Variants in PRKG1 observed in about 807,000 individuals in gnomAD.
PRKG1 encodes the protein protein kinase cGMP-dependent 1, also known as cGMP-dependent protein kinase 1.
A neutral mutation model predicts 88.1 loss-of-function variants in PRKG1; 35 were observed. The ratio of observed to expected loss-of-function variants is 0.40; its 90% CI spans 0.30 to 0.53. PRKG1 has a LOEUF of 0.53. PRKG1 is among the 20% of genes least tolerant of loss of function. The pLI is 0.59. For synonymous variants in PRKG1, 303 were observed against 292.5 expected, an observed-to-expected ratio of 1.04 and a Z score of -0.37; for missense variants, 540 against 839.8, an observed-to-expected ratio of 0.64 and a Z score of 4.41.
intron 3 of PRKG1, among the ~76,000 whole-genome samples, chr10:51,686,979 T>C (rs1004531182): frequency 2.6e-5 from 4 of 152,084 alleles, no homozygotes; most frequent in African/African-American, 9.7e-5. Flanking sequence ...CCAAGTAATT[T>C]GCCCACCTCA....
chr10:51,464,775 C>G (rs968298015), intron 2 of PRKG1, among the ~76,000 whole-genome samples: 1 of 149,630 alleles, frequency 6.7e-6, no homozygotes, highest in African/African-American at 2.4e-5. Flanking sequence ...CCTGTAGTCC[C>G]AGCTACTTGG....
intron 3 of PRKG1, among the ~76,000 whole-genome samples, chr10:51,655,350 G>A (rs1014522552): frequency 3.3e-5 from 5 of 152,058 alleles, no homozygotes; most frequent in Non-Finnish European, 7.4e-5. Flanking sequence ...TCAAGGAGTA[G>A]GAAATATATG....
chr10:51,883,195 A>G (rs1163957249), intron 4 of PRKG1, among the ~76,000 whole-genome samples: 1 of 152,182 alleles, frequency 6.6e-6, no homozygotes, highest in African/African-American at 2.4e-5. Context: ...TTGAACTACA[A>G]CTTATACCAT....
intron 2 of PRKG1, among the ~76,000 whole-genome samples, chr10:51,411,776 A>G (rs1332521154): frequency 6.6e-6 from 1 of 152,084 alleles, no homozygotes; most frequent in Non-Finnish European, 1.5e-5. Context: ...CCTCTTGAAT[A>G]TTTTATGACT....
chr10:51,268,848 C>G (rs777852986), intron 2 of PRKG1, among the ~76,000 whole-genome samples: 5 of 152,128 alleles, frequency 3.3e-5, no homozygotes, highest in Non-Finnish European at 5.9e-5. Context: ...AATTTATGTT[C>G]AGAGATTCAG....
At chr10:51,166,801 A>G (rs756856013) in intron 2 of PRKG1, among the ~76,000 whole-genome samples, 5 of 152,188 alleles carry the variant, frequency 3.3e-5, no homozygotes, top group Admixed American at 2.6e-4. Context: ...TTCCACCTGC[A>G]GAAAGGGTGG....
chr10:51,587,084 G>A (rs773501570), intron 3 of PRKG1, among the ~76,000 whole-genome samples: 1 of 152,010 alleles, frequency 6.6e-6, no homozygotes. Context: ...CTTATTAAAC[G>A]TTTTTCTAGG....
chr10:51,464,260 C>A (rs893518262), intron 2 of PRKG1, among the ~76,000 whole-genome samples: 4 of 151,900 alleles, frequency 2.6e-5, no homozygotes, highest in Admixed American at 6.6e-5. Context: ...TGCTCTCCAG[C>A]CTGGCTGAGC....
intron 1 of PRKG1, among the ~76,000 whole-genome samples, chr10:51,053,486 G>A (rs1373637257): frequency 5.3e-5 from 8 of 152,080 alleles, no homozygotes; most frequent in South Asian, 2.1e-4. Context: ...TGACATTTCT[G>A]TGGTATCCTG....
intron 7 of PRKG1, among the ~76,000 whole-genome samples, chr10:52,072,389 G>T (rs1846525837): frequency 1.3e-5 from 2 of 151,690 alleles, no homozygotes; most frequent in African/African-American, 4.8e-5. Context: ...TCACTTTTCT[G>T]GCCTGAGTTA....
chr10:52,225,772 G>T (rs1840373522), intron 9 of PRKG1, among the ~76,000 whole-genome samples: 1 of 152,036 alleles, frequency 6.6e-6, no homozygotes, highest in Non-Finnish European at 1.5e-5. Flanking sequence ...CTTTTTGTTT[G>T]CTTTCTTGAA....
rs75892903 is a variant in PRKG1, at chr10:51,622,181, A to G, written c.592+154345A>G. Among the ~76,000 whole-genome samples the G allele has an allele frequency of 2.6e-5, 4 of 152,326 alleles. No individual in the cohort carries two copies. In the East Asian group the frequency reaches 5.8e-4, roughly 22 times the overall value. On this transcript the variant is annotated intron_variant, in intron 3 of 17. Coordinates refer to ENST00000373980, the MANE Select transcript of PRKG1 (RefSeq NM_006258.4). Reference sequence around the variant, plus strand: ...CATATATACCATGCCTCTCTTAGTCATATACTGTGTCATATCAGTTTGAAA... The same window carrying G: ...CATATATACCATGCCTCTCTTAGTCGTATACTGTGTCATATCAGTTTGAAA...
intron 7 of PRKG1, chr10:52,128,138 T>G (rs955710317): frequency 1.0e-6 from 1 of 985,398 alleles, no homozygotes; most frequent in Non-Finnish European, 1.2e-6. Context: ...GACATTAAAC[T>G]GCTGCACATG....
At chr10:52,138,360 T>G (rs1564485964) in intron 8 of PRKG1, among the ~76,000 whole-genome samples, 1 of 152,138 alleles carries the variant, frequency 6.6e-6, no homozygotes, top group Admixed American at 6.6e-5. Flanking sequence ...AGCTAAAATA[T>G]AATGTCCTAT....
intron 1 of PRKG1, among the ~76,000 whole-genome samples, chr10:51,021,791 C>A (rs1843140438): frequency 6.6e-6 from 1 of 152,180 alleles, no homozygotes; most frequent in African/African-American, 2.4e-5. Flanking sequence ...AGTGATTCTC[C>A]TGCCTCGGCC....
intron 8 of PRKG1, among the ~76,000 whole-genome samples, chr10:52,148,345 G>T (rs954199230): frequency 1.3e-5 from 2 of 152,144 alleles, no homozygotes; most frequent in African/African-American, 2.4e-5. Context: ...TGTCCAAAAT[G>T]TCAGTAGCTC....
intron 1 of PRKG1, among the ~76,000 whole-genome samples, chr10:51,118,683 A>T (rs1221916206): frequency 6.6e-6 from 1 of 152,160 alleles, no homozygotes; most frequent in African/African-American, 2.4e-5. Context: ...CCCTGAAGAC[A>T]GTATCTCAAT....
intron 7 of PRKG1, among the ~76,000 whole-genome samples, chr10:52,128,763 C>T (rs1052792647): frequency 6.6e-6 from 1 of 152,096 alleles, no homozygotes; most frequent in Non-Finnish European, 1.5e-5. Flanking sequence ...TGCAGTAGTG[C>T]TTTTTAAAGT....
chr10:51,971,942 G>A (rs908790745), intron 5 of PRKG1, among the ~76,000 whole-genome samples: 1 of 152,046 alleles, frequency 6.6e-6, no homozygotes, highest in Non-Finnish European at 1.5e-5. Flanking sequence ...TAGATATAAC[G>A]CATTTTACCA....
Sources: gnomAD v4.1 joint callset for allele counts (sites outside exome capture counted in the v4.1 genomes callset) on GRCh38, gnomAD v4.1.1 for gene constraint, MANE v1.5 for transcripts, NCBI Gene and HGNC (gene_info 2026-07-23, HGNC 2026-07-21) for gene names.